AMMECR1: variants seen among roughly 807,000 people sequenced by gnomAD.
AMMECR1 encodes the protein nuclear protein AMMECR1.
In AMMECR1, 3 loss-of-function variants were observed where a neutral mutation model predicts 22.5. The ratio of observed to expected loss-of-function variants is 0.13; its 90% CI spans 0.06 to 0.35. The LOEUF (loss-of-function observed/expected upper bound fraction) is 0.35. AMMECR1 is among the 10% of genes least tolerant of loss of function. The pLI is 1.00. For missense variants in AMMECR1, 235 were observed against 278.7 expected (o/e 0.84, Z 1.12); for synonymous variants, 130 against 116.7 (o/e 1.11, Z -0.74).
At position 110,306,009 on chromosome X, in the gene AMMECR1, C is replaced by T. The variant is rs893183526; in HGVS notation, c.473+11590G>A. Among the ~76,000 whole-genome samples, 91 of 108,183 alleles carry T rather than the reference C, an allele frequency of 8.4e-4. 1 individual carries two copies. The highest frequency in any genetic ancestry group is 6.9e-4 in the Admixed American group (7 of 10,163). The allele number at this position is 108,183 out of a possible 115,157, so 93.9% of individuals were successfully genotyped here. A position where few individuals can be genotyped will look rare whatever the true frequency, so the allele number is the denominator to read the frequency against. ...AAAAAGTAAAAAATTGGGCGAGGCG[C>T]GGTGGCTCACGCCTGTAATCCCAGC... is the stretch of plus-strand genomic sequence containing the variant. On this transcript the variant is annotated intron_variant, in intron 1 of 5. Coordinates refer to ENST00000262844, the MANE Select transcript of AMMECR1 (RefSeq NM_015365.3).
intron 3 of AMMECR1, 140 bp downstream of exon 3, chrX:110,216,378 G>A (rs1473513063): frequency 2.0e-5 from 8 of 409,788 alleles, no homozygotes; most frequent in Non-Finnish European, 3.0e-5. Flanking sequence ...TCGTTCAGTT[G>A]TGAGGTTTAT....
chrX:110,218,134 A>T (rs1487293494), intron 2 of AMMECR1, among the ~76,000 whole-genome samples: 1 of 111,086 alleles, frequency 9.0e-6, no homozygotes, highest in Non-Finnish European at 1.9e-5. Context: ...TTTAAAAAAT[A>T]CTTCCAAGTT....
intron 2 of AMMECR1, among the ~76,000 whole-genome samples, chrX:110,377,363 C>G (rs1411962564): frequency 9.0e-6 from 1 of 111,662 alleles, no homozygotes; most frequent in Non-Finnish European, 1.9e-5. Context: ...AGCGAAACAC[C>G]GATACCTACA....
At chrX:110,329,851 G>A (rs1191966116) in intron 2 of AMMECR1, among the ~76,000 whole-genome samples, 2 of 111,810 alleles carry the variant, frequency 1.8e-5, no homozygotes, top group Non-Finnish European at 3.8e-5. Flanking sequence ...TTCAGGCTAT[G>A]TGTTTAAGGT....
chrX:110,401,576 G>C lies in AMMECR1; in HGVS notation c.-148+25082C>G, dbSNP rs543236033. On this transcript the variant is annotated intron_variant, in intron 2 of 7. Coordinates refer to the AMMECR1 transcript ENST00000372057. ...ACGGGAGGCATGTAGGTGTTTCTGT[G>C]TTGTGGTAAGGGGAAGGGGTTGTCT... 1.9e-4 allele frequency among the ~76,000 whole-genome samples: 21 copies of C among 111,825 alleles called. No homozygotes were observed. In the South Asian group the frequency reaches 7.6e-3, roughly 41 times the overall value.
intron 2 of AMMECR1, among the ~76,000 whole-genome samples, chrX:110,220,554 T>G (rs2067495092): frequency 8.9e-6 from 1 of 112,041 alleles, no homozygotes; most frequent in African/African-American, 3.2e-5. Context: ...AATTTCTCTT[T>G]GTTAGAATAG....
chrX:110,264,292 G>A (rs185370971), intron 2 of AMMECR1, among the ~76,000 whole-genome samples, 197 bp downstream of exon 2: 1 of 110,789 alleles, frequency 9.0e-6, no homozygotes, highest in East Asian at 2.8e-4. Context: ...ATTAATCACA[G>A]TATTTTATAT....
chrX:110,238,688 C>T (rs956389880), intron 2 of AMMECR1, among the ~76,000 whole-genome samples: 2 of 112,545 alleles, frequency 1.8e-5, no homozygotes, highest in African/African-American at 6.5e-5. Context: ...GCACAGTGCT[C>T]GAGCTCTGCT....
chrX:110,241,951 C>T (rs925765656), intron 2 of AMMECR1, among the ~76,000 whole-genome samples: 5 of 111,658 alleles, frequency 4.5e-5, no homozygotes, highest in Non-Finnish European at 9.4e-5. Flanking sequence ...GGTTGTTACT[C>T]CTCACACATC....
At chrX:110,234,564 TC>T (rs911231742) in intron 2 of AMMECR1, among the ~76,000 whole-genome samples, 1 of 105,889 alleles carries the variant, frequency 9.4e-6, no homozygotes, top group African/African-American at 3.4e-5. Context: ...GCATCACACT[TC>T]CTGACTTCAA....
rs760180664 is a variant in AMMECR1 at position 110,381,814 on chromosome X, CA to C, written c.-148+44843del. Among the ~76,000 whole-genome samples, 176 of 107,452 alleles carry C rather than the reference CA, an allele frequency of 1.6e-3. 3 individuals carry two copies. In the South Asian group the frequency reaches 0.037, roughly 23 times the overall value. 93.3% of individuals were successfully genotyped at this position (107,452 alleles called of 115,157 possible). ...GGCCATTATCCTAAGCAAATTAATG[CA>C]AAAAAAAATCACATATTCTCACTTA... On this transcript the variant is annotated intron_variant, in intron 2 of 7. Coordinates refer to the AMMECR1 transcript ENST00000372057.
chrX:110,275,555 G>GC (rs1322742649), intron 1 of AMMECR1, among the ~76,000 whole-genome samples: 45 of 111,302 alleles, frequency 4.0e-4, no homozygotes, highest in African/African-American at 1.5e-3. Flanking sequence ...TTTAGGCCAG[G>GC]CATGGTGGCT....
At chrX:110,310,914 T>TA (rs1174163148) in intron 1 of AMMECR1, among the ~76,000 whole-genome samples, 1 of 111,913 alleles carries the variant, frequency 8.9e-6, no homozygotes, top group Non-Finnish European at 1.9e-5. Flanking sequence ...TCTGATACTC[T>TA]AGAGGACTCT....
exon 1 of AMMECR1, chrX:110,440,177 C>T (rs1410385990): frequency 1.8e-5 from 2 of 110,316 alleles, no homozygotes; most frequent in Non-Finnish European, 3.8e-5. Context: ...TAGTCAGGCT[C>T]ATGGGATTAG....
At chrX:110,279,910 C>A (rs1328081271) in intron 1 of AMMECR1, among the ~76,000 whole-genome samples, 3 of 111,355 alleles carry the variant, frequency 2.7e-5, no homozygotes, top group African/African-American at 9.8e-5. Flanking sequence ...TAAAACCCTT[C>A]ATTTTAAAAT....
At chrX:110,233,083 C>T (rs1437501308) in intron 2 of AMMECR1, among the ~76,000 whole-genome samples, 3 of 108,622 alleles carry the variant, frequency 2.8e-5, no homozygotes, top group Admixed American at 2.0e-4. Context: ...ACTGATAGAC[C>T]GCTAGCAAGA....
intron 3 of AMMECR1, among the ~76,000 whole-genome samples, chrX:110,207,285 G>C (rs1031313210): frequency 3.6e-5 from 4 of 111,594 alleles, no homozygotes; most frequent in African/African-American, 1.3e-4. Flanking sequence ...TCATGGTGCA[G>C]CATGGTCCAC....
At chrX:110,336,922 C>T (rs763423126) in intron 2 of AMMECR1, among the ~76,000 whole-genome samples, 4 of 111,210 alleles carry the variant, frequency 3.6e-5, no homozygotes, top group African/African-American at 1.3e-4. Context: ...TTATGTTATT[C>T]TTGGATATGT....
At chrX:110,284,993 T>C (rs749908596) in intron 1 of AMMECR1, among the ~76,000 whole-genome samples, 3 of 111,915 alleles carry the variant, frequency 2.7e-5, no homozygotes, top group Non-Finnish European at 5.6e-5. Context: ...GACAGGGTTC[T>C]CAACCCATCT....
Sources: gnomAD v4.1 joint callset for allele counts (sites outside exome capture counted in the v4.1 genomes callset) on GRCh38, gnomAD v4.1.1 for gene constraint, MANE v1.5 for transcripts, NCBI Gene and HGNC (gene_info 2026-07-23, HGNC 2026-07-21) for gene names.